The following ATXN1 variants were observed in gnomAD, a reference collection of about 807,000 sequenced individuals.
ATXN1 encodes the protein ataxin 1, also known as ataxin-1.
ATXN1 carries 8 observed loss-of-function variants against 56.4 expected under a neutral mutation model. The ratio of observed to expected loss-of-function variants is 0.14; its 90% CI spans 0.08 to 0.26. The LOEUF is 0.26. Ranked by LOEUF, ATXN1 falls within the 10% of genes least tolerant of loss-of-function variation. The probability of loss-of-function intolerance (pLI) is 1.00; values close to 1 mark genes in which losing one functional copy is unlikely to be tolerated. For synonymous variants in ATXN1, 514 were observed against 494.6 expected (o/e 1.04, Z -0.52); for missense variants, 987 against 1,106.5 (o/e 0.89, Z 1.53).
chr6:16,545,100 A>G (rs916880527), intron 4 of ATXN1, among the ~76,000 whole-genome samples: 13 of 152,124 alleles, frequency 8.5e-5, no homozygotes, highest in African/African-American at 3.1e-4. Flanking sequence ...ATTTTTTTTC[A>G]ACTTCCTTTC....
chr6:16,651,308 G>A (rs1328544425), intron 3 of ATXN1, among the ~76,000 whole-genome samples: 2 of 152,138 alleles, frequency 1.3e-5, no homozygotes, highest in Admixed American at 1.3e-4. Flanking sequence ...ACTTTGGGAG[G>A]CTTAGGCAGG....
At chr6:16,446,121 C>G (rs1159529022) in intron 6 of ATXN1, among the ~76,000 whole-genome samples, 1 of 151,114 alleles carries the variant, frequency 6.6e-6, no homozygotes, top group Non-Finnish European at 1.5e-5. Flanking sequence ...AATGGTTGAA[C>G]TAGTTTACAG....
chr6:16,358,141 G>A (rs1408487173), intron 6 of ATXN1, among the ~76,000 whole-genome samples: 1 of 152,162 alleles, frequency 6.6e-6, no homozygotes, highest in Non-Finnish European at 1.5e-5. Flanking sequence ...ATGCAAAAAT[G>A]GCCATAATAA....
intron 4 of ATXN1, among the ~76,000 whole-genome samples, chr6:16,577,803 T>C (rs1581856815): frequency 1.3e-5 from 2 of 152,346 alleles, no homozygotes; most frequent in Admixed American, 1.3e-4. Context: ...ATTGCAGAGT[T>C]ATAGAAATAG....
intron 3 of ATXN1, among the ~76,000 whole-genome samples, chr6:16,610,345 T>G (rs1763081821): frequency 6.6e-6 from 1 of 151,660 alleles, no homozygotes; most frequent in South Asian, 2.1e-4. Flanking sequence ...TATAAATTAA[T>G]AAATTAAAGA....
intron 4 of ATXN1, among the ~76,000 whole-genome samples, chr6:16,565,645 C>T (rs918184150): frequency 6.6e-6 from 1 of 152,180 alleles, no homozygotes; most frequent in Non-Finnish European, 1.5e-5. Context: ...CACACACATG[C>T]ACACCAACAG....
At chr6:16,455,830 T>C (rs1375407809) in intron 6 of ATXN1, among the ~76,000 whole-genome samples, 3 of 152,238 alleles carry the variant, frequency 2.0e-5, no homozygotes, top group Non-Finnish European at 4.4e-5. Context: ...GGAACTTTCC[T>C]GTCTTATAAG....
At chr6:16,537,106 C>T (rs997913433) in intron 4 of ATXN1, among the ~76,000 whole-genome samples, 6 of 146,062 alleles carry the variant, frequency 4.1e-5, no homozygotes, top group African/African-American at 1.0e-4. Flanking sequence ...TTAAGGAAAA[C>T]GTACCTCTTG....
chr6:16,689,758 A>C (rs891955824), intron 2 of ATXN1, among the ~76,000 whole-genome samples: 14 of 152,116 alleles, frequency 9.2e-5, no homozygotes, highest in Non-Finnish European at 1.8e-4. Flanking sequence ...TTTATAATGA[A>C]GACATTTAAA....
At chr6:16,742,692 T>C (rs1284513319) in intron 2 of ATXN1, among the ~76,000 whole-genome samples, 1 of 152,124 alleles carries the variant, frequency 6.6e-6, no homozygotes, top group Middle Eastern at 3.2e-3. Context: ...ATGAAGTCAT[T>C]TACAACCCAG....
At chr6:16,493,493 C>T (rs1366367531) in intron 5 of ATXN1, among the ~76,000 whole-genome samples, 3 of 148,274 alleles carry the variant, frequency 2.0e-5, no homozygotes, top group African/African-American at 7.5e-5. Flanking sequence ...ATGTGAATGC[C>T]TATGGTTTTA....
intron 3 of ATXN1, among the ~76,000 whole-genome samples, chr6:16,631,037 CT>C (rs1763494705): frequency 6.6e-6 from 1 of 152,166 alleles, no homozygotes; most frequent in Non-Finnish European, 1.5e-5. Context: ...CACCTATGCT[CT>C]TTGTTGATAA....
rs1352396924 is a variant in ATXN1, at chr6:16,440,573, A to G, written c.-161+45399T>C. On this transcript the variant is annotated intron_variant, in intron 6 of 7. Coordinates refer to ENST00000436367, the MANE Select transcript of ATXN1 (RefSeq NM_001128164.2). ...GGATGATTGCTTGAACCCAGGAGCC[A>G]GAGGTTGCAGTGAGCCAAAATAGCA... Among the ~76,000 whole-genome samples the G allele has an allele frequency of 2.7e-5, 4 of 149,616 alleles. No homozygotes were observed. In the East Asian group the frequency reaches 5.9e-4, roughly 22 times the overall value.
chr6:16,522,117 T>A (rs545307946), intron 5 of ATXN1, among the ~76,000 whole-genome samples: 1 of 152,302 alleles, frequency 6.6e-6, no homozygotes, highest in African/African-American at 2.4e-5. Flanking sequence ...ATCCTAGCTC[T>A]GCTACTCTCC....
chr6:16,640,277 C>A (rs1201540207), intron 3 of ATXN1, among the ~76,000 whole-genome samples: 2 of 152,168 alleles, frequency 1.3e-5, no homozygotes, highest in East Asian at 3.9e-4. Context: ...GAACCACACA[C>A]CCCATATAAG....
At chr6:16,582,910 C>T (rs1019077381) in intron 4 of ATXN1, among the ~76,000 whole-genome samples, 6 of 152,168 alleles carry the variant, frequency 3.9e-5, no homozygotes, top group Non-Finnish European at 8.8e-5. Context: ...TTCCCACTAC[C>T]GTTACTTGAG....
chr6:16,688,197 C>A (rs1025505072), intron 2 of ATXN1, among the ~76,000 whole-genome samples: 46 of 152,270 alleles, frequency 3.0e-4, no homozygotes, highest in African/African-American at 9.9e-4. Flanking sequence ...GATGAATTTC[C>A]ATGAGAATGA....
intron 3 of ATXN1, among the ~76,000 whole-genome samples, chr6:16,645,296 T>C (rs1215134802): frequency 6.6e-6 from 1 of 152,218 alleles, no homozygotes. Flanking sequence ...TACAAGTGGT[T>C]TGTCTGATGG....
chr6:16,758,712 G>A (rs931281027), intron 1 of ATXN1, among the ~76,000 whole-genome samples: 1 of 152,070 alleles, frequency 6.6e-6, no homozygotes, highest in Non-Finnish European at 1.5e-5. Flanking sequence ...GAGTGATCAG[G>A]ACTGGAGTAA....
Sources: gnomAD v4.1 joint callset for allele counts (sites outside exome capture counted in the v4.1 genomes callset) on GRCh38, gnomAD v4.1.1 for gene constraint, MANE v1.5 for transcripts, NCBI Gene and HGNC (gene_info 2026-07-23, HGNC 2026-07-21) for gene names.